APOH: variants seen among roughly 807,000 people sequenced by gnomAD.
The protein encoded by APOH is apolipoprotein H.
Under a neutral mutation model 39.8 loss-of-function variants are expected in APOH, and 48 were observed. That is an observed-to-expected ratio of 1.21 (90% CI 0.96 to 1.54). APOH has a LOEUF of 1.54. APOH is among the 40% of genes most tolerant of loss of function. The pLI is 0.00. For synonymous variants in APOH, 153 were observed against 151.1 expected, an observed-to-expected ratio of 1.01 and a Z score of -0.09; for missense variants, 415 against 421.2, an observed-to-expected ratio of 0.99 and a Z score of 0.13.
At chr17:66,224,480 AAAAAAAAAAAAG>A (rs1276487722) in intron 3 of APOH, among the ~76,000 whole-genome samples, 3 of 146,112 alleles carry the variant, frequency 2.1e-5, no homozygotes, top group East Asian at 3.9e-4. Context: ...TAAAAAAAAA[AAAAAAAAAAAAG>A]AAAAGAAAAG....
At chr17:66,226,583 G>A (rs59422744) in intron 2 of APOH, among the ~76,000 whole-genome samples, 3,090 of 146,874 alleles carry the variant, frequency 0.021, 110 homozygotes, top group African/African-American at 0.073. Context: ...TGCCAAGATG[G>A]CACCACTGCA....
chr17:66,217,342 G>A (rs1286845737), intron 5 of APOH, among the ~76,000 whole-genome samples: 1 of 113,310 alleles, frequency 8.8e-6, no homozygotes, highest in South Asian at 2.9e-4. Flanking sequence ...TGCAAAGACT[G>A]AACCCCCCCC....
chr17:66,225,122 G>A (rs2073432036), intron 3 of APOH, among the ~76,000 whole-genome samples: 1 of 151,990 alleles, frequency 6.6e-6, no homozygotes, highest in Admixed American at 6.6e-5. Context: ...ATTTTCTTAA[G>A]GTCATTTGTT....
At chr17:66,216,128 A>G (rs983170168) in intron 6 of APOH, among the ~76,000 whole-genome samples, 3 of 148,886 alleles carry the variant, frequency 2.0e-5, no homozygotes, top group East Asian at 2.0e-4. Flanking sequence ...AGATTCTACC[A>G]TTACACTCCA....
At chr17:66,217,344 A>ACCC (rs35673901) in intron 5 of APOH, among the ~76,000 whole-genome samples, 2,022 of 125,742 alleles carry the variant, frequency 0.016, 52 homozygotes, top group Non-Finnish European at 0.028. Flanking sequence ...CAAAGACTGA[A>ACCC]CCCCCCCCCC....
At chr17:66,222,567 C>CTTTTTTTTT (rs1178795590) in intron 4 of APOH, among the ~76,000 whole-genome samples, 5 of 84,882 alleles carry the variant, frequency 5.9e-5, no homozygotes, top group Non-Finnish European at 6.6e-5. Flanking sequence ...TTTCCACTTG[C>CTTTTTTTTT]TTTTTTTTTT....
At chr17:66,222,886 T>C (rs1437381803) in intron 4 of APOH, among the ~76,000 whole-genome samples, 1 of 152,186 alleles carries the variant, frequency 6.6e-6, no homozygotes, top group African/African-American at 2.4e-5. Context: ...TTGCTTTTGC[T>C]AAAGACAGAC....
Position 66,216,768 on chromosome 17 carries a change from C to T in APOH, c.784+20G>A. ...GTATCAATTCAGAGATCTTACAGGA[C>T]CTCGCCTATATTTCCATACCTTTAC... On this transcript the variant is annotated intron_variant, in intron 6 of 7. Transcript: ENST00000205948. 6.4e-7 allele frequency: 1 copy of T among 1,550,740 alleles called. No individual in the cohort carries two copies. Among genetic ancestry groups the T allele is most frequent in the Non-Finnish European group, 8.7e-7 (1 of 1,150,522 alleles).
rs756489419 is a variant in APOH at position 66,229,326 on chromosome 17, A to G, written c.54T>C (p.Ile18=). The part of the protein sequence containing the change: ...LFSSFLCHVA[I]AGRTCPKPDD... ...GCAAAAAGTACTTACTCCGTCCTGC[A>G]ATAGCAACATGGCAGAGAAAACTCG... Residue 18 remains isoleucine, a synonymous_variant, in exon 1 of 8, where the codon ATT becomes ATC. Coordinates refer to ENST00000205948, the MANE Select transcript of APOH (RefSeq NM_000042.3). The G allele has an allele frequency of 6.2e-7, 1 of 1,613,640 alleles. No individual in the cohort carries two copies. Among genetic ancestry groups the G allele is most frequent in the Admixed American group, 1.7e-5 (1 of 60,006 alleles).
chr17:66,222,676 A>G (rs2073409890), intron 4 of APOH, among the ~76,000 whole-genome samples: 1 of 142,988 alleles, frequency 7.0e-6, no homozygotes, highest in Non-Finnish European at 1.5e-5. Context: ...GGTTCAAGTG[A>G]TTCTCTTGCC....
intron 3 of APOH, among the ~76,000 whole-genome samples, chr17:66,225,228 C>A (rs2073432591): frequency 6.6e-6 from 1 of 152,170 alleles, no homozygotes; most frequent in Admixed American, 6.6e-5. Context: ...TAGAAACTTA[C>A]CCTAGTGGAT....
intron 5 of APOH, among the ~76,000 whole-genome samples, chr17:66,219,209 A>G (rs780354227): frequency 3.9e-5 from 6 of 152,106 alleles, no homozygotes; most frequent in African/African-American, 7.2e-5. Context: ...TTGGATTATT[A>G]TTGTTAATAA....
At chr17:66,218,403 G>T (rs2073378216) in intron 5 of APOH, among the ~76,000 whole-genome samples, 1 of 151,888 alleles carries the variant, frequency 6.6e-6, no homozygotes, top group African/African-American at 2.4e-5. Context: ...TCCCCCTCCT[G>T]GTTCAAGCGA....
At chr17:66,224,199 G>A (rs1442809497) in intron 3 of APOH, among the ~76,000 whole-genome samples, 1 of 152,130 alleles carries the variant, frequency 6.6e-6, no homozygotes, top group East Asian at 1.9e-4. Context: ...ATTCTGACTG[G>A]GTACTTTGGC....
intron 7 of APOH, 43 bp downstream of exon 7, chr17:66,214,410 G>C: frequency 1.9e-6 from 3 of 1,543,736 alleles, no homozygotes; most frequent in Non-Finnish European, 2.7e-6. Context: ...TTATGATGAC[G>C]GGCAAGTGGG....
At chr17:66,218,391 C>G in intron 5 of APOH, among the ~76,000 whole-genome samples, 1 of 151,964 alleles carries the variant, frequency 6.6e-6, no homozygotes, top group East Asian at 2.0e-4. Context: ...CTCACTGCAA[C>G]CTCCCCCTCC....
intron 6 of APOH, among the ~76,000 whole-genome samples, chr17:66,216,261 T>C (rs891884894): frequency 6.6e-6 from 1 of 151,144 alleles, no homozygotes; most frequent in African/African-American, 2.4e-5. Context: ...GGCGGGCGGA[T>C]CACCTGAGGT....
chr17:66,228,507 G>T (rs1346114451), intron 1 of APOH: 2 of 233,062 alleles, frequency 8.6e-6, no homozygotes, highest in African/African-American at 2.3e-5. Context: ...ACTCTAAAGA[G>T]AATTTAGTTA....
At chr17:66,224,997 G>T (rs1163128175) in intron 3 of APOH, among the ~76,000 whole-genome samples, 1 of 151,806 alleles carries the variant, frequency 6.6e-6, no homozygotes, top group Admixed American at 6.6e-5. Flanking sequence ...AACCCAGGAG[G>T]TGGAGGTTGC....
Sources: gnomAD v4.1 joint callset for allele counts (sites outside exome capture counted in the v4.1 genomes callset) on GRCh38, gnomAD v4.1.1 for gene constraint, MANE v1.5 for transcripts, NCBI Gene and HGNC (gene_info 2026-07-23, HGNC 2026-07-21) for gene names.